Variants in MAD1L1 observed in about 807,000 individuals in gnomAD.
MAD1L1 encodes mitotic arrest deficient 1 like 1.
Under a neutral mutation model 96.9 loss-of-function variants are expected in MAD1L1, and 95 were observed. The ratio of observed to expected loss-of-function variants is 0.98; its 90% CI spans 0.83 to 1.16. MAD1L1 has a LOEUF of 1.16. Among genes scored for constraint, MAD1L1 ranks in the 50% most tolerant of loss-of-function variants. The pLI is 0.00. For missense variants in MAD1L1, 1,007 were observed against 954.4 expected, an observed-to-expected ratio of 1.06 and a Z score of -0.73; for synonymous variants, 473 against 396.6, an observed-to-expected ratio of 1.19 and a Z score of -2.29.
chr7:2,067,065 G>A (rs1045179385), intron 12 of MAD1L1, among the ~76,000 whole-genome samples: 3 of 152,228 alleles, frequency 2.0e-5, no homozygotes, highest in East Asian at 1.9e-4. Flanking sequence ...CCGCCTGGCC[G>A]GTGTGGGCCG....
intron 14 of MAD1L1, among the ~76,000 whole-genome samples, chr7:1,995,035 T>C (rs1562591796): frequency 6.6e-6 from 1 of 152,186 alleles, no homozygotes. Context: ...GGCAGCTGAA[T>C]AGACAGATGC....
intron 18 of MAD1L1, among the ~76,000 whole-genome samples, chr7:1,851,655 G>A (rs926122870): frequency 6.6e-5 from 10 of 152,182 alleles, no homozygotes; most frequent in Non-Finnish European, 5.9e-5. Flanking sequence ...AAGGCGTGGC[G>A]AGGAAGACGG....
At chr7:1,967,156 G>A (rs1165400525) in intron 15 of MAD1L1, among the ~76,000 whole-genome samples, 2 of 152,218 alleles carry the variant, frequency 1.3e-5, no homozygotes, top group Non-Finnish European at 2.9e-5. Flanking sequence ...GCCGGGAGGG[G>A]CTTCCAGGTG....
intron 15 of MAD1L1, among the ~76,000 whole-genome samples, chr7:1,970,364 C>T (rs1780351419): frequency 7.8e-6 from 1 of 127,822 alleles, no homozygotes; most frequent in Non-Finnish European, 1.6e-5. Flanking sequence ...GAGACAGTCT[C>T]ACTCTGTTAC....
chr7:1,820,447 A>C (rs1247264029), intron 18 of MAD1L1, among the ~76,000 whole-genome samples: 3 of 151,896 alleles, frequency 2.0e-5, no homozygotes, highest in Non-Finnish European at 2.9e-5. Flanking sequence ...AAAGTTATTA[A>C]AACCAAAAAC....
chr7:2,136,891 T>C (rs1337173474), intron 11 of MAD1L1, among the ~76,000 whole-genome samples: 2 of 152,180 alleles, frequency 1.3e-5, no homozygotes, highest in African/African-American at 2.4e-5. Context: ...AGCTCTTGGC[T>C]CAGAGCTTAC....
chr7:2,065,957 C>T (rs550662119), intron 12 of MAD1L1, among the ~76,000 whole-genome samples: 2 of 152,342 alleles, frequency 1.3e-5, no homozygotes, highest in Admixed American at 6.5e-5. Context: ...ACTGGAGAAA[C>T]GGCTCATTTC....
At chr7:1,972,657 T>G (rs1490036802) in intron 15 of MAD1L1, among the ~76,000 whole-genome samples, 1 of 152,214 alleles carries the variant, frequency 6.6e-6, no homozygotes, top group African/African-American at 2.4e-5. Flanking sequence ...TCTCTATTTT[T>G]TTTTTAATTT....
At chr7:1,905,606 G>A (rs1355803714) in intron 17 of MAD1L1, among the ~76,000 whole-genome samples, 10 of 152,402 alleles carry the variant, frequency 6.6e-5, no homozygotes, top group Middle Eastern at 3.4e-3. Context: ...AGTAGCCTAT[G>A]GAAGATGCTC....
chr7:1,887,298 T>A (rs1302479904), intron 18 of MAD1L1, among the ~76,000 whole-genome samples: 1 of 150,694 alleles, frequency 6.6e-6, no homozygotes, highest in Non-Finnish European at 1.5e-5. Flanking sequence ...GCTGCCTGTG[T>A]GTGGGCATGT....
chr7:2,129,542 G>A lies in MAD1L1; in HGVS notation c.1073+19610C>T, dbSNP rs142042319. ...CGCTTCTCAGAGTCCAGTCACACACGAGGCAGCAGGACAGGAACCCCAGGT... is the reference window on the plus strand; with the variant it reads ...CGCTTCTCAGAGTCCAGTCACACACAAGGCAGCAGGACAGGAACCCCAGGT... On this transcript the variant is annotated intron_variant, in intron 11 of 18. Transcript: ENST00000265854. Among the ~76,000 whole-genome samples, 370 of 152,260 alleles carry A rather than the reference G, an allele frequency of 2.4e-3. 6 individuals are homozygous for A. Among genetic ancestry groups the A allele is most frequent in the South Asian group, 7.5e-3 (36 of 4,824 alleles).
chr7:2,148,231 G>A (rs954334896), intron 11 of MAD1L1: 8 of 152,300 alleles, frequency 5.3e-5, no homozygotes, highest in African/African-American at 1.9e-4. Flanking sequence ...CTCTCCACAG[G>A]AGGACAAGGC....
At chr7:1,987,913 G>A (rs554885586) in intron 14 of MAD1L1, among the ~76,000 whole-genome samples, 30 of 152,272 alleles carry the variant, frequency 2.0e-4, no homozygotes, top group African/African-American at 6.7e-4. Context: ...CCAGGCACGG[G>A]ACCATGTCTG....
intron 18 of MAD1L1, chr7:1,847,357 C>A (rs761246175): frequency 4.2e-6 from 2 of 471,062 alleles, no homozygotes. Flanking sequence ...GGAGGTACCA[C>A]GGGGCGGACC....
chr7:2,034,761 G>A (rs1164865806), intron 12 of MAD1L1, among the ~76,000 whole-genome samples: 1 of 152,216 alleles, frequency 6.6e-6, no homozygotes, highest in East Asian at 1.9e-4. Flanking sequence ...AATGAACAGG[G>A]GAGGAAAGGA....
chr7:2,213,146 G>T, intron 10 of MAD1L1, 66 bp downstream of exon 10: 2 of 1,545,358 alleles, frequency 1.3e-6, no homozygotes, highest in South Asian at 1.1e-5. Flanking sequence ...GCCGGAAGCA[G>T]GCTCTGCTCT....
chr7:2,033,937 T>A (rs147019676), intron 12 of MAD1L1, among the ~76,000 whole-genome samples: 29 of 152,104 alleles, frequency 1.9e-4, no homozygotes, highest in African/African-American at 7.0e-4. Context: ...CAAAAAAAAT[T>A]TTTTTTTAAT....
intron 18 of MAD1L1, among the ~76,000 whole-genome samples, chr7:1,842,658 G>A (rs1008416358): frequency 5.3e-5 from 8 of 152,228 alleles, no homozygotes; most frequent in Non-Finnish European, 1.2e-4. Flanking sequence ...TTCGTCCATC[G>A]CTGGGCCCAT....
intron 18 of MAD1L1, among the ~76,000 whole-genome samples, chr7:1,882,288 T>C (rs73288724): frequency 0.02 from 3,033 of 152,318 alleles, 101 homozygotes; most frequent in African/African-American, 0.068. Flanking sequence ...TTGGACATCC[T>C]GAACCACAGC....
Sources: gnomAD v4.1 joint callset for allele counts (sites outside exome capture counted in the v4.1 genomes callset) on GRCh38, gnomAD v4.1.1 for gene constraint, MANE v1.5 for transcripts, NCBI Gene and HGNC (gene_info 2026-07-23, HGNC 2026-07-21) for gene names.